The following ATF7IP variants were observed in gnomAD, a reference collection of about 807,000 sequenced individuals.
The protein encoded by ATF7IP is activating transcription factor 7-interacting protein 1.
ATF7IP carries 23 observed loss-of-function variants against 106.4 expected under a neutral mutation model. That is an observed-to-expected ratio of 0.22 (90% confidence interval 0.16 to 0.31). The LOEUF (loss-of-function observed/expected upper bound fraction) is 0.31. ATF7IP is among the 10% of genes least tolerant of loss of function. The pLI, the probability that ATF7IP is intolerant of heterozygous loss-of-function variation, is 1.00. For missense variants in ATF7IP, 1,334 were observed against 1,524.3 expected (o/e 0.88, Z 2.08); for synonymous variants, 542 against 539.0 (o/e 1.01, Z -0.08).
At chr12:14,453,910 C>T (rs1366096918) in intron 6 of ATF7IP, among the ~76,000 whole-genome samples, 2 of 152,224 alleles carry the variant, frequency 1.3e-5, no homozygotes, top group African/African-American at 4.8e-5. Flanking sequence ...CAGGCACGAG[C>T]CACCAGGCCT....
chr12:14,371,053 C>T (rs1471795312), intron 1 of ATF7IP, among the ~76,000 whole-genome samples: 1 of 151,642 alleles, frequency 6.6e-6, no homozygotes, highest in Non-Finnish European at 1.5e-5. Context: ...GGATGTTTCC[C>T]TAATTATTAG....
intron 1 of ATF7IP, among the ~76,000 whole-genome samples, chr12:14,413,653 T>G (rs1396434366): frequency 6.6e-6 from 1 of 152,176 alleles, no homozygotes; most frequent in Non-Finnish European, 1.5e-5. Flanking sequence ...AAGTTGAAAT[T>G]AATATAAATT....
intron 10 of ATF7IP, among the ~76,000 whole-genome samples, chr12:14,466,972 A>G (rs564207214): frequency 6.6e-6 from 1 of 151,938 alleles, no homozygotes; most frequent in Non-Finnish European, 1.5e-5. Flanking sequence ...CTTGTACCAC[A>G]CTCTACCCCT....
At chr12:14,387,659 T>G (rs1939311773) in intron 1 of ATF7IP, among the ~76,000 whole-genome samples, 1 of 152,200 alleles carries the variant, frequency 6.6e-6, no homozygotes, top group Admixed American at 6.5e-5. Context: ...TGTGTTGCAT[T>G]TTTGCAACTG....
intron 1 of ATF7IP, among the ~76,000 whole-genome samples, chr12:14,393,733 G>T (rs1939697087): frequency 6.6e-6 from 1 of 152,096 alleles, no homozygotes; most frequent in Admixed American, 6.5e-5. Context: ...TGTTATTTCA[G>T]ATGCGGGACT....
rs1470293208 is a variant in ATF7IP, at chr12:14,500,448, G to T, written c.*2375G>T. ...ACTCATTCTAGGACTAATGATGATG[G>T]TAAAGAAGTTGCCAGTGTTATGGCA... is the stretch of plus-strand genomic sequence containing the variant. On this transcript the variant is annotated 3_prime_UTR_variant, in exon 15 of 15. Coordinates refer to ENST00000261168, the MANE Select transcript of ATF7IP (RefSeq NM_018179.5). The T allele has an allele frequency of 6.6e-6, 1 of 152,178 alleles. No homozygotes were observed. The highest frequency in any genetic ancestry group is 2.4e-5 in the African/African-American group (1 of 41,432). The allele number at this position is 152,178 out of a possible 1,614,324, so 9.4% of individuals were successfully genotyped here. A position where few individuals can be genotyped will look rare whatever the true frequency, so the allele number is the denominator to read the frequency against.
At chr12:14,489,935 G>C (rs973008052) in intron 13 of ATF7IP, among the ~76,000 whole-genome samples, 7 of 152,204 alleles carry the variant, frequency 4.6e-5, no homozygotes, top group Non-Finnish European at 8.8e-5. Context: ...CCAGGGAGGA[G>C]AAACCTCTTC....
At chr12:14,459,648 G>A (rs1397903452) in intron 8 of ATF7IP, among the ~76,000 whole-genome samples, 1 of 152,070 alleles carries the variant, frequency 6.6e-6, no homozygotes, top group Admixed American at 6.6e-5. Flanking sequence ...TCCCTGAAAG[G>A]GTCTCAGAAA....
At chr12:14,490,330 A>G (rs1330092219) in intron 13 of ATF7IP, among the ~76,000 whole-genome samples, 1 of 152,196 alleles carries the variant, frequency 6.6e-6, no homozygotes, top group Non-Finnish European at 1.5e-5. Flanking sequence ...GTTTTTGACC[A>G]CTTAAAGAGG....
intron 13 of ATF7IP, among the ~76,000 whole-genome samples, chr12:14,488,722 A>G (rs201081540): frequency 1.3e-5 from 2 of 152,210 alleles, no homozygotes; most frequent in East Asian, 1.9e-4. Flanking sequence ...TAAAGAGGGT[A>G]ATAAGGCCAT....
At chr12:14,438,938 A>G (rs150539989) in intron 5 of ATF7IP, among the ~76,000 whole-genome samples, 29 of 152,318 alleles carry the variant, frequency 1.9e-4, no homozygotes, top group Middle Eastern at 3.4e-3. Context: ...GCATGCTATA[A>G]TAAGTACTAA....
chr12:14,384,284 T>C (rs1425469182), intron 1 of ATF7IP, among the ~76,000 whole-genome samples: 1 of 152,182 alleles, frequency 6.6e-6, no homozygotes, highest in African/African-American at 2.4e-5. Flanking sequence ...AGAAAGAAAA[T>C]GTGGATTCTA....
intron 2 of ATF7IP, 47 bp from the exon 3 acceptor site, chr12:14,434,290 A>G (rs769937687): frequency 1.5e-5 from 17 of 1,147,774 alleles, no homozygotes; most frequent in Non-Finnish European, 2.1e-5. Context: ...GTGAGCTGTT[A>G]TGAATTCTAG....
At chr12:14,481,297 A>C in intron 13 of ATF7IP, 112 bp downstream of exon 13, 1 of 897,098 alleles carries the variant, frequency 1.1e-6, no homozygotes, top group Non-Finnish European at 1.7e-6. Context: ...ATAATGTCAT[A>C]TTAAAAGTAT....
chr12:14,366,360 C>T (rs754935677), intron 1 of ATF7IP, among the ~76,000 whole-genome samples: 104 of 152,120 alleles, frequency 6.8e-4, no homozygotes, highest in Non-Finnish European at 1.1e-3. Flanking sequence ...GGTGTTCTCA[C>T]GGGAAGTGCA....
Position 14,497,749 on chromosome 12 carries a change from G to A in ATF7IP, c.3489G>A (p.Lys1163=), listed in dbSNP as rs756190910. Residue 1163 remains lysine, a synonymous_variant, in exon 15 of 15, where the codon AAG becomes AAA. Coordinates refer to ENST00000261168, the MANE Select transcript of ATF7IP (RefSeq NM_018179.5). ...CTGCCAGCACATCTCTGCCTCAGAA[G>A]CCACACTTGAAGTTAGCACGCGTTC... ...PEAASTSLPQ[K]PHLKLARVQS... 1 of 1,614,142 alleles carries A rather than the reference G, an allele frequency of 6.2e-7. No homozygotes were observed. Among genetic ancestry groups the A allele is most frequent in the South Asian group, 1.1e-5 (1 of 91,080 alleles).
intron 2 of ATF7IP, among the ~76,000 whole-genome samples, chr12:14,427,535 T>C (rs1941920396): frequency 6.6e-6 from 1 of 152,038 alleles, no homozygotes. Flanking sequence ...CTGGCTAATT[T>C]TTGTATTTTT....
At chr12:14,427,268 A>G (rs1005541761) in intron 2 of ATF7IP, among the ~76,000 whole-genome samples, 1 of 151,968 alleles carries the variant, frequency 6.6e-6, no homozygotes, top group African/African-American at 2.4e-5. Flanking sequence ...GAATACAGAC[A>G]TGTGCCACCA....
chr12:14,415,743 C>G (rs986532505), intron 1 of ATF7IP, among the ~76,000 whole-genome samples: 5 of 149,232 alleles, frequency 3.4e-5, no homozygotes, highest in African/African-American at 1.2e-4. Context: ...TATTTTATAC[C>G]AGTTAAGAGA....
Sources: allele counts gnomAD v4.1 joint callset (sites outside exome capture counted in the v4.1 genomes callset), GRCh38; gene constraint gnomAD v4.1.1; transcripts MANE v1.5; gene names NCBI Gene and HGNC (gene_info 2026-07-23, HGNC 2026-07-21).